The following AFG2B variants were observed in gnomAD, a reference collection of about 807,000 sequenced individuals.
AFG2B encodes ATPase family gene 2 protein homolog B.
chr15:45,403,232 C>G, the AFG2B span: 1 of 1,526,882 alleles, frequency 6.5e-7, no homozygotes, highest in Non-Finnish European at 8.7e-7. Context: ...GTCAGCGCCC[C>G]GGCGCTGCAG....
chr15:45,403,255 G>A, the AFG2B span: 1 of 1,584,396 alleles, frequency 6.3e-7, no homozygotes, highest in South Asian at 1.1e-5. Flanking sequence ...TTCCCGGCCT[G>A]GGGAGACCGA....
the AFG2B span, chr15:45,402,339 C>T: frequency 2.6e-6 from 4 of 1,524,968 alleles, no homozygotes; most frequent in Admixed American, 2.4e-5. Context: ...TGCGCGCAAT[C>T]TGCTTCCGGC....
chr15:45,411,416 G>A, the AFG2B span, among the ~76,000 whole-genome samples: 1 of 152,042 alleles, frequency 6.6e-6, no homozygotes, highest in South Asian at 2.1e-4. Context: ...CTGGGCTCAA[G>A]CAGTCCTTCT....
chr15:45,416,102 C>T, the AFG2B span, among the ~76,000 whole-genome samples: 1 of 152,126 alleles, frequency 6.6e-6, no homozygotes, highest in Admixed American at 6.5e-5. Flanking sequence ...GTTTGCATGT[C>T]CTAAAAACCA....
chr15:45,412,885 G>A, the AFG2B span, among the ~76,000 whole-genome samples: 10 of 152,076 alleles, frequency 6.6e-5, no homozygotes, highest in South Asian at 6.2e-4. Flanking sequence ...TTGCCAATTC[G>A]CCTACATGTG....
the AFG2B span, chr15:45,403,399 C>G: frequency 6.2e-7 from 1 of 1,610,664 alleles, no homozygotes; most frequent in African/African-American, 1.3e-5. Context: ...CGTAGTGGCC[C>G]AGGTGTTGAC....
the AFG2B span, among the ~76,000 whole-genome samples, chr15:45,411,441 C>A: frequency 6.6e-6 from 1 of 152,134 alleles, no homozygotes; most frequent in Non-Finnish European, 1.5e-5. Flanking sequence ...CAGTGCCCCA[C>A]CAAGTAGCTG....
At chr15:45,408,639 G>A in the AFG2B span, among the ~76,000 whole-genome samples, 2 of 152,176 alleles carry the variant, frequency 1.3e-5, no homozygotes, top group Non-Finnish European at 2.9e-5. Context: ...CAGGCAGTGC[G>A]CAGTTTCTCC....
At chr15:45,414,718 T>G in the AFG2B span, 5 of 1,614,214 alleles carry the variant, frequency 3.1e-6, no homozygotes, top group Non-Finnish European at 4.2e-6. Flanking sequence ...CTCTTTCGTT[T>G]CAGTGAGTGG....
the AFG2B span, chr15:45,417,306 T>A: frequency 9.9e-6 from 16 of 1,613,988 alleles, no homozygotes; most frequent in African/African-American, 2.1e-4. Flanking sequence ...TCATGATTAT[T>A]GCAGCAACAA....
At chr15:45,410,447 A>G in the AFG2B span, 1 of 1,613,928 alleles carries the variant, frequency 6.2e-7, no homozygotes, top group South Asian at 1.1e-5. Flanking sequence ...ATCGTTTCGA[A>G]GCGTCATTGG....
chr15:45,415,806 A>G, the AFG2B span: 22 of 1,606,328 alleles, frequency 1.4e-5, no homozygotes, highest in South Asian at 2.1e-4. Context: ...GAAAAAATGA[A>G]GAGGTATTTA....
At chr15:45,407,326 T>C in the AFG2B span, 103 of 838,322 alleles carry the variant, frequency 1.2e-4, no homozygotes, top group Admixed American at 2.2e-4. Context: ...TTGTTAAACT[T>C]TTTGTGAAGT....
chr15:45,407,125 C>T, the AFG2B span: 7 of 1,289,016 alleles, frequency 5.4e-6, no homozygotes, highest in South Asian at 1.2e-5. Flanking sequence ...GGGGCCTGCT[C>T]AGGTGTAGTT....
the AFG2B span, among the ~76,000 whole-genome samples, chr15:45,406,451 A>G: frequency 6.6e-6 from 1 of 152,204 alleles, no homozygotes; most frequent in African/African-American, 2.4e-5. Context: ...TGGGAGAAAT[A>G]AGCTTTTCTA....
chr15:45,402,797 C>G, the AFG2B span: 15 of 1,593,288 alleles, frequency 9.4e-6, no homozygotes, highest in African/African-American at 2.0e-4. Flanking sequence ...GCAGGCGCGC[C>G]CGGTGCCCGG....
At chr15:45,411,532 G>A in the AFG2B span, among the ~76,000 whole-genome samples, 1 of 152,094 alleles carries the variant, frequency 6.6e-6, no homozygotes, top group African/African-American at 2.4e-5. Context: ...TACTCAAGCT[G>A]GCCTTGAACT....
At chr15:45,403,614 A>G in the AFG2B span, 1 of 1,501,492 alleles carries the variant, frequency 6.7e-7, no homozygotes. Context: ...CTTAGGTTTG[A>G]GCATCGGTGA....
the AFG2B span, among the ~76,000 whole-genome samples, chr15:45,413,777 C>T: frequency 1.3e-5 from 2 of 152,170 alleles, no homozygotes; most frequent in African/African-American, 4.8e-5. Flanking sequence ...TGCTGGTGCT[C>T]TTGAATTACA....
Sources: gnomAD v4.1 joint callset for allele counts (sites outside exome capture counted in the v4.1 genomes callset) on GRCh38, gnomAD v4.1.1 for gene constraint, MANE v1.5 for transcripts, NCBI Gene and HGNC (gene_info 2026-07-23, HGNC 2026-07-21) for gene names.